FHIT: variants seen among roughly 807,000 people sequenced by gnomAD.
FHIT encodes the protein fragile histidine triad diadenosine triphosphatase.
FHIT carries 19 observed loss-of-function variants against 17.9 expected under a neutral mutation model. That is an observed-to-expected ratio of 1.06 (90% CI 0.74 to 1.56). The LOEUF is 1.56. Ranked by LOEUF, FHIT falls within the 40% of genes most tolerant of loss-of-function variation. The pLI, the probability that FHIT is intolerant of heterozygous loss-of-function variation, is 0.00. For missense variants in FHIT, 248 were observed against 189.2 expected, an observed-to-expected ratio of 1.31 and a Z score of -1.82; for synonymous variants, 81 against 69.7, an observed-to-expected ratio of 1.16 and a Z score of -0.81.
At chr3:60,160,430 AG>A (rs1297633245) in intron 5 of FHIT, among the ~76,000 whole-genome samples, 1 of 152,178 alleles carries the variant, frequency 6.6e-6, no homozygotes, top group Non-Finnish European at 1.5e-5. Context: ...TTCCTACAGA[AG>A]AAACCTATTT....
chr3:59,961,681 C>T (rs780033094), intron 7 of FHIT, among the ~76,000 whole-genome samples: 1 of 152,156 alleles, frequency 6.6e-6, no homozygotes, highest in Non-Finnish European at 1.5e-5. Context: ...TCCCTGACCC[C>T]TTGTGCTTCC....
chr3:60,621,144 A>ATTTTTTTTTTTT (rs11370683), intron 4 of FHIT, among the ~76,000 whole-genome samples: 1 of 95,090 alleles, frequency 1.1e-5, no homozygotes, highest in Non-Finnish European at 1.9e-5. Flanking sequence ...TCTACTTTTG[A>ATTTTTTTTTTTT]TTTTTTTTTT....
intron 5 of FHIT, among the ~76,000 whole-genome samples, chr3:60,311,825 T>C (rs924107248): frequency 2.6e-5 from 4 of 152,110 alleles, no homozygotes; most frequent in African/African-American, 9.7e-5. Flanking sequence ...GGGTGGACTT[T>C]CACATTTCAT....
chr3:60,141,347 T>C (rs555466163), intron 5 of FHIT, among the ~76,000 whole-genome samples: 1 of 151,784 alleles, frequency 6.6e-6, no homozygotes, highest in Admixed American at 6.6e-5. Flanking sequence ...AAGATTGTAG[T>C]TGTGCAGTAA....
At chr3:60,185,711 G>A (rs144669690) in intron 5 of FHIT, among the ~76,000 whole-genome samples, 18 of 152,194 alleles carry the variant, frequency 1.2e-4, no homozygotes, top group Non-Finnish European at 1.8e-4. Context: ...CTTTCAAAGC[G>A]CCTGTGCTAT....
At chr3:61,013,190 C>G (rs2031896025) in intron 3 of FHIT, among the ~76,000 whole-genome samples, 1 of 152,188 alleles carries the variant, frequency 6.6e-6, no homozygotes, top group East Asian at 1.9e-4. Context: ...AAAAAAGGAG[C>G]TTTCTGCTTT....
intron 5 of FHIT, among the ~76,000 whole-genome samples, chr3:60,252,598 G>T (rs213398): frequency 6.6e-6 from 1 of 151,450 alleles, no homozygotes; most frequent in African/African-American, 2.4e-5. Flanking sequence ...GGAAATAAAC[G>T]TGTGCTCAAA....
intron 8 of FHIT, among the ~76,000 whole-genome samples, chr3:59,910,553 T>G (rs1393178098): frequency 6.6e-6 from 1 of 152,282 alleles, no homozygotes; most frequent in South Asian, 2.1e-4. Flanking sequence ...TTGTCTCATC[T>G]CTCATGGCTA....
chr3:59,773,089 A>G (rs1204517211), intron 8 of FHIT, among the ~76,000 whole-genome samples: 1 of 152,128 alleles, frequency 6.6e-6, no homozygotes, highest in Admixed American at 6.6e-5. Flanking sequence ...TTTCCACCTT[A>G]AGGTTTTCAA....
chr3:60,451,772 A>T (rs998032339), intron 5 of FHIT, among the ~76,000 whole-genome samples: 2 of 152,154 alleles, frequency 1.3e-5, no homozygotes, highest in African/African-American at 2.4e-5. Context: ...ACTGAGCATG[A>T]CCCCATAGGT....
intron 4 of FHIT, among the ~76,000 whole-genome samples, chr3:60,547,471 A>T (rs1368547382): frequency 2.6e-5 from 4 of 152,172 alleles, no homozygotes; most frequent in African/African-American, 9.6e-5. Flanking sequence ...AAGGTCTCAC[A>T]TTTCTAGCCG....
At chr3:59,762,146 C>T (rs556914347) in intron 8 of FHIT, among the ~76,000 whole-genome samples, 2 of 152,226 alleles carry the variant, frequency 1.3e-5, no homozygotes, top group East Asian at 3.9e-4. Context: ...AACATGGCTA[C>T]ACTGGACAAA....
intron 1 of FHIT, among the ~76,000 whole-genome samples, chr3:61,217,750 C>T (rs1362487624): frequency 6.6e-6 from 1 of 152,100 alleles, no homozygotes; most frequent in Non-Finnish European, 1.5e-5. Context: ...ACATATGAAA[C>T]ATAAGCAAAA....
At chr3:60,444,140 T>G (rs147057055) in intron 5 of FHIT, among the ~76,000 whole-genome samples, 10 of 152,144 alleles carry the variant, frequency 6.6e-5, no homozygotes, top group African/African-American at 2.4e-4. Context: ...AAAACCACAG[T>G]GAGATACCAT....
chr3:60,132,856 A>T (rs1699652215), intron 5 of FHIT, among the ~76,000 whole-genome samples: 1 of 152,212 alleles, frequency 6.6e-6, no homozygotes, highest in African/African-American at 2.4e-5. Context: ...TCCTGTTGCT[A>T]AACCCACCAT....
intron 5 of FHIT, among the ~76,000 whole-genome samples, chr3:60,292,678 C>T (rs1319666896): frequency 6.6e-6 from 1 of 152,078 alleles, no homozygotes; most frequent in Non-Finnish European, 1.5e-5. Flanking sequence ...CAATTATAGA[C>T]ACCAACTAAC....
rs925818881 is a variant in FHIT, at chr3:60,147,427, G to A, written c.104-133275C>T. Among the ~76,000 whole-genome samples, 12 of 152,130 alleles carry A rather than the reference G, an allele frequency of 7.9e-5. 1 individual carries two copies. The highest frequency in any genetic ancestry group is 5.9e-5 in the Non-Finnish European group (4 of 68,018). ...CCGATACATCCTGCCCTCAAACTGT[G>A]AGGCACTATAGGAGCAAGATGTAAA... On this transcript the variant is annotated intron_variant, in intron 5 of 9. Coordinates refer to ENST00000492590, the MANE Select transcript of FHIT (RefSeq NM_002012.4).
intron 8 of FHIT, among the ~76,000 whole-genome samples, chr3:59,863,057 AGAGGAATAGTCCTATCC>A (rs1409257214): frequency 5.9e-5 from 9 of 152,400 alleles, no homozygotes; most frequent in Admixed American, 1.3e-4. Flanking sequence ...GACAATGTGT[AGAGGAATAGTCCTATCC>A]GAGGAATAGT....
At chr3:60,710,687 G>C (rs1382531789) in intron 4 of FHIT, among the ~76,000 whole-genome samples, 1 of 152,190 alleles carries the variant, frequency 6.6e-6, no homozygotes, top group African/African-American at 2.4e-5. Flanking sequence ...AGCAATCTGA[G>C]ATCAAACTGC....
Sources: allele counts gnomAD v4.1 joint callset (sites outside exome capture counted in the v4.1 genomes callset), GRCh38; gene constraint gnomAD v4.1.1; transcripts MANE v1.5; gene names NCBI Gene and HGNC (gene_info 2026-07-23, HGNC 2026-07-21).